The following ALCAM variants were observed in gnomAD, a reference collection of about 807,000 sequenced individuals.
The protein encoded by ALCAM is CD166 antigen.
ALCAM carries 30 observed loss-of-function variants against 70.9 expected under a neutral mutation model. The observed-to-expected ratio is 0.42, with a 90% confidence interval of 0.32 to 0.57. ALCAM has a LOEUF of 0.57. ALCAM is among the 20% of genes least tolerant of loss of function. The probability of loss-of-function intolerance (pLI) is 0.11; values close to 1 mark genes in which losing one functional copy is unlikely to be tolerated. For synonymous variants in ALCAM, 249 were observed against 242.5 expected, an observed-to-expected ratio of 1.03 and a Z score of -0.25; for missense variants, 591 against 695.1, an observed-to-expected ratio of 0.85 and a Z score of 1.68.
chr3:105,450,421 T>C (rs1472215528), intron 1 of ALCAM, among the ~76,000 whole-genome samples: 4 of 152,162 alleles, frequency 2.6e-5, no homozygotes, highest in Admixed American at 2.0e-4. Flanking sequence ...ACTTTCATTT[T>C]CACCCACTAC....
At chr3:105,392,528 T>C (rs1037292377) in intron 1 of ALCAM, among the ~76,000 whole-genome samples, 1 of 151,654 alleles carries the variant, frequency 6.6e-6, no homozygotes, top group South Asian at 2.1e-4. Context: ...AAAAAATAGC[T>C]CGTAGATTCA....
intron 1 of ALCAM, among the ~76,000 whole-genome samples, chr3:105,387,678 A>G (rs929834048): frequency 1.3e-5 from 2 of 151,566 alleles, no homozygotes; most frequent in Non-Finnish European, 3.0e-5. Context: ...AATAATTGAG[A>G]CCAGGAACTT....
At chr3:105,545,443 T>C (rs1199535219) in intron 9 of ALCAM, 108 bp downstream of exon 9, 6 of 707,288 alleles carry the variant, frequency 8.5e-6, no homozygotes, top group Non-Finnish European at 1.5e-5. Context: ...TGTGTTTATA[T>C]ACCAGCTCTC....
intron 1 of ALCAM, among the ~76,000 whole-genome samples, chr3:105,482,287 T>G (rs1938295758): frequency 6.6e-6 from 1 of 152,084 alleles, no homozygotes. Flanking sequence ...AATTTTGATA[T>G]TTTTTGTAGA....
At chr3:105,436,498 T>C (rs1432945232) in intron 1 of ALCAM, among the ~76,000 whole-genome samples, 1 of 152,024 alleles carries the variant, frequency 6.6e-6, no homozygotes, top group Non-Finnish European at 1.5e-5. Context: ...CGGCTAATTT[T>C]TTGTATTTTT....
rs111858137 is a variant in ALCAM, at chr3:105,477,545, A to G, written c.74-42522A>G. 4.7e-3 allele frequency among the ~76,000 whole-genome samples: 707 copies of G among 152,034 alleles called. 6 individuals carry two copies. The highest frequency in any genetic ancestry group is 0.016 in the African/African-American group (679 of 41,508). ...AATATTTTCTGTCTTTGTTTTTTAGAAGTTTGACTATGCTGTGCCTAAGTT... is the reference window on the plus strand; with the variant it reads ...AATATTTTCTGTCTTTGTTTTTTAGGAGTTTGACTATGCTGTGCCTAAGTT... On this transcript the variant is annotated intron_variant, in intron 1 of 15. Coordinates refer to ENST00000306107, the MANE Select transcript of ALCAM (RefSeq NM_001627.4).
At chr3:105,500,075 A>T (rs1938875810) in intron 1 of ALCAM, among the ~76,000 whole-genome samples, 1 of 152,220 alleles carries the variant, frequency 6.6e-6, no homozygotes, top group Non-Finnish European at 1.5e-5. Flanking sequence ...CAGACTACAC[A>T]GGATCCTCAC....
At chr3:105,476,562 T>G (rs1222956843) in intron 1 of ALCAM, among the ~76,000 whole-genome samples, 1 of 152,018 alleles carries the variant, frequency 6.6e-6, no homozygotes, top group Non-Finnish European at 1.5e-5. Context: ...GTTAGTATAT[T>G]TATTCAACTG....
intron 1 of ALCAM, among the ~76,000 whole-genome samples, chr3:105,384,837 G>A (rs925734966): frequency 2.6e-5 from 4 of 151,250 alleles, no homozygotes; most frequent in Non-Finnish European, 4.4e-5. Flanking sequence ...TTTAAATATA[G>A]GACTTTGAAT....
At chr3:105,426,579 G>C (rs1936796365) in intron 1 of ALCAM, among the ~76,000 whole-genome samples, 1 of 151,774 alleles carries the variant, frequency 6.6e-6, no homozygotes, top group Non-Finnish European at 1.5e-5. Flanking sequence ...TAGTCATCCT[G>C]CTGTGCAATA....
chr3:105,523,417 A>G (rs1183381447), intron 2 of ALCAM, among the ~76,000 whole-genome samples: 1 of 152,228 alleles, frequency 6.6e-6, no homozygotes, highest in Non-Finnish European at 1.5e-5. Context: ...TGATATTATT[A>G]ATTCTTAAAA....
At chr3:105,560,499 C>G (rs771832228) in intron 14 of ALCAM, among the ~76,000 whole-genome samples, 5 of 152,036 alleles carry the variant, frequency 3.3e-5, no homozygotes, top group African/African-American at 7.2e-5. Flanking sequence ...TTTTCCTGTT[C>G]TTAATGCTGT....
intron 1 of ALCAM, among the ~76,000 whole-genome samples, chr3:105,494,411 G>A (rs1260049539): frequency 2.6e-5 from 4 of 151,652 alleles, no homozygotes. Flanking sequence ...TTTATAAAGG[G>A]CCTGCCTTCC....
chr3:105,563,204 C>CA lies in ALCAM; in HGVS notation c.1665-8634dup, dbSNP rs781415771. On this transcript the variant is annotated intron_variant, in intron 14 of 15. Coordinates refer to ENST00000306107, the MANE Select transcript of ALCAM (RefSeq NM_001627.4). ...TTCATTTAAATTATTGACATTTTTG[C>CA]AAAAAAAAAAAAAAGCCGGTAGAAT... 9.2e-3 allele frequency among the ~76,000 whole-genome samples: 694 copies of CA among 75,460 alleles called. 2 individuals carry two copies. The highest frequency in any genetic ancestry group is 0.039 in the East Asian group (117 of 3,034). The allele number at this position is 75,460 out of a possible 152,430, so 49.5% of individuals were successfully genotyped here. A position where few individuals can be genotyped will look rare whatever the true frequency, so the allele number is the denominator to read the frequency against.
At chr3:105,569,089 T>G (rs1229996662) in intron 14 of ALCAM, among the ~76,000 whole-genome samples, 2 of 152,134 alleles carry the variant, frequency 1.3e-5, no homozygotes, top group Non-Finnish European at 2.9e-5. Context: ...TAATTTTATT[T>G]TTTAGGATTT....
intron 1 of ALCAM, among the ~76,000 whole-genome samples, chr3:105,431,019 T>C (rs1936916922): frequency 6.6e-6 from 1 of 152,100 alleles, no homozygotes; most frequent in African/African-American, 2.4e-5. Flanking sequence ...TTAATGGTAA[T>C]TTAGTGTGAA....
chr3:105,555,025 A>G (rs779488495), intron 14 of ALCAM, among the ~76,000 whole-genome samples: 1 of 151,922 alleles, frequency 6.6e-6, no homozygotes, highest in Non-Finnish European at 1.5e-5. Context: ...CTCATCAGAC[A>G]CCATTTGTCC....
chr3:105,565,865 A>G (rs1192851097), intron 14 of ALCAM, among the ~76,000 whole-genome samples: 1 of 152,188 alleles, frequency 6.6e-6, no homozygotes, highest in Non-Finnish European at 1.5e-5. Context: ...GCATAACTCT[A>G]CCTCTTTCCT....
rs921518363 is a variant in ALCAM at position 105,572,171 on chromosome 3, G to A, written c.*25+207G>A. ...GTTACGCTGGTATAAACGTGCCATG[G>A]TAGTTTGCACGCATCAACCCATCAT... On this transcript the variant is annotated intron_variant, in intron 15 of 15. Coordinates refer to ENST00000306107, the MANE Select transcript of ALCAM (RefSeq NM_001627.4). Among the ~76,000 whole-genome samples the A allele has an allele frequency of 3.9e-5, 6 of 152,128 alleles. No homozygotes were observed. In the East Asian group the frequency reaches 1.2e-3, roughly 29 times the overall value.
Sources: gnomAD v4.1 joint callset for allele counts (sites outside exome capture counted in the v4.1 genomes callset) on GRCh38, gnomAD v4.1.1 for gene constraint, MANE v1.5 for transcripts, NCBI Gene and HGNC (gene_info 2026-07-23, HGNC 2026-07-21) for gene names.